The following CTNNA2 variants were observed in gnomAD, a reference collection of about 807,000 sequenced individuals.
The protein encoded by CTNNA2 is catenin alpha 2.
Under a neutral mutation model 101.0 loss-of-function variants are expected in CTNNA2, and 42 were observed. That is an observed-to-expected ratio of 0.42 (90% confidence interval 0.32 to 0.54). The LOEUF (loss-of-function observed/expected upper bound fraction) is 0.54. Ranked by LOEUF, CTNNA2 falls within the 20% of genes least tolerant of loss-of-function variation. The pLI is 0.14. For missense variants in CTNNA2, 871 were observed against 1,223.1 expected, an observed-to-expected ratio of 0.71 and a Z score of 4.29; for synonymous variants, 450 against 456.4, an observed-to-expected ratio of 0.99 and a Z score of 0.18.
At chr2:79,709,506 G>T (rs1685607121) in intron 2 of CTNNA2, among the ~76,000 whole-genome samples, 1 of 151,964 alleles carries the variant, frequency 6.6e-6, no homozygotes, top group Non-Finnish European at 1.5e-5. Flanking sequence ...AGGGATGAGG[G>T]GTGATATGAT....
intron 7 of CTNNA2, among the ~76,000 whole-genome samples, chr2:80,240,130 G>A (rs1670807656): frequency 6.6e-6 from 1 of 152,166 alleles, no homozygotes; most frequent in African/African-American, 2.4e-5. Flanking sequence ...AGAGAACCCA[G>A]CAATGAGTAT....
chr2:80,528,334 C>T (rs1284633254), intron 9 of CTNNA2, among the ~76,000 whole-genome samples: 3 of 152,042 alleles, frequency 2.0e-5, no homozygotes, highest in South Asian at 2.1e-4. Context: ...GTAGCTGGGA[C>T]TACAGGCACT....
intron 4 of CTNNA2, among the ~76,000 whole-genome samples, chr2:79,493,530 C>A (rs187014175): frequency 3.3e-5 from 5 of 152,152 alleles, no homozygotes; most frequent in Admixed American, 3.3e-4. Context: ...GCAGAAGAAT[C>A]GCTTGAACCC....
chr2:79,790,236 A>G (rs1675166064), intron 3 of CTNNA2, among the ~76,000 whole-genome samples: 1 of 152,194 alleles, frequency 6.6e-6, no homozygotes, highest in Non-Finnish European at 1.5e-5. Context: ...AATTTCCGCT[A>G]GGAACTGTTT....
intron 2 of CTNNA2, among the ~76,000 whole-genome samples, chr2:79,729,417 G>C (rs908078421): frequency 6.6e-6 from 1 of 152,098 alleles, no homozygotes; most frequent in Non-Finnish European, 1.5e-5. Context: ...TAAGAAATGG[G>C]AAGTTCCAAA....
intron 7 of CTNNA2, among the ~76,000 whole-genome samples, chr2:80,195,436 A>T (rs1468810242): frequency 6.6e-6 from 1 of 152,156 alleles, no homozygotes; most frequent in Non-Finnish European, 1.5e-5. Flanking sequence ...AAGGTAAAAT[A>T]AACAATTCCA....
At chr2:79,981,632 T>C (rs994392856) in intron 7 of CTNNA2, among the ~76,000 whole-genome samples, 1 of 152,138 alleles carries the variant, frequency 6.6e-6, no homozygotes, top group Admixed American at 6.6e-5. Flanking sequence ...TAGACTTGCT[T>C]TGTAATTAAA....
At chr2:80,177,649 A>G (rs1705478850) in intron 7 of CTNNA2, among the ~76,000 whole-genome samples, 2 of 152,116 alleles carry the variant, frequency 1.3e-5, no homozygotes, top group Admixed American at 6.5e-5. Flanking sequence ...CATCCTTTCC[A>G]CTTGATTATT....
chr2:80,015,914 C>A (rs1694109760), intron 7 of CTNNA2, among the ~76,000 whole-genome samples: 1 of 152,142 alleles, frequency 6.6e-6, no homozygotes, highest in Non-Finnish European at 1.5e-5. Context: ...GTCTAATCTG[C>A]AGACTTGATG....
chr2:79,998,066 C>T (rs1277384579), intron 7 of CTNNA2, among the ~76,000 whole-genome samples: 1 of 152,062 alleles, frequency 6.6e-6, no homozygotes, highest in Non-Finnish European at 1.5e-5. Context: ...GGGATTCTTA[C>T]AGGTCTTTTG....
At chr2:80,177,056 C>A (rs922538044) in intron 7 of CTNNA2, among the ~76,000 whole-genome samples, 19 of 152,130 alleles carry the variant, frequency 1.2e-4, no homozygotes, top group Admixed American at 2.0e-4. Flanking sequence ...AGTATTGTCA[C>A]CTAGTTGGCA....
intron 7 of CTNNA2, among the ~76,000 whole-genome samples, chr2:80,361,535 A>G (rs1184781331): frequency 6.6e-6 from 1 of 152,112 alleles, no homozygotes. Flanking sequence ...TTCTAAGACA[A>G]CACATCAGTA....
intron 1 of CTNNA2, among the ~76,000 whole-genome samples, chr2:79,554,010 A>G (rs912616519): frequency 1.3e-5 from 2 of 152,112 alleles, no homozygotes; most frequent in African/African-American, 4.8e-5. Context: ...TTGGGTCCCA[A>G]GGTTTTTGTT....
intron 3 of CTNNA2, 42 bp downstream of exon 3, chr2:79,744,624 A>G: frequency 6.6e-7 from 1 of 1,516,084 alleles, no homozygotes; most frequent in Non-Finnish European, 8.9e-7. Flanking sequence ...ATCTATACTG[A>G]TGTGCAAACA....
At position 79,818,821 on chromosome 2, in the gene CTNNA2, T is replaced by TTTTATATA. The variant is rs1553373413; in HGVS notation, c.299-39191_299-39190insTTATATAT. ...ATATACTTCAGGATCCAAAATGCAA[T>TTTTATATA]TATATATATATATATATATATATAT... On this transcript the variant is annotated intron_variant, in intron 3 of 18. Transcript: ENST00000402739. Among the ~76,000 whole-genome samples, 337 of 74,196 alleles carry TTTTATATA rather than the reference T, an allele frequency of 4.5e-3. 44 individuals carry two copies. The highest frequency in any genetic ancestry group is 0.029 in the Admixed American group (190 of 6,560). 48.7% of individuals were successfully genotyped at this position (74,196 alleles called of 152,430 possible).
intron 7 of CTNNA2, among the ~76,000 whole-genome samples, chr2:80,155,797 C>T (rs910043440): frequency 2.0e-5 from 3 of 152,114 alleles, no homozygotes. Flanking sequence ...TTTTTTCTGT[C>T]TGCTCACATT....
At chr2:80,218,933 A>G (rs1708420838) in intron 7 of CTNNA2, among the ~76,000 whole-genome samples, 1 of 152,254 alleles carries the variant, frequency 6.6e-6, no homozygotes, top group Non-Finnish European at 1.5e-5. Flanking sequence ...ATGGATGATT[A>G]CACACATTAA....
intron 1 of CTNNA2, among the ~76,000 whole-genome samples, chr2:79,551,576 A>T (rs1674102254): frequency 6.6e-6 from 1 of 152,222 alleles, no homozygotes; most frequent in South Asian, 2.1e-4. Flanking sequence ...GTGAAATTCA[A>T]CAGAACTCTG....
At chr2:80,506,849 A>G (rs1041101613) in intron 9 of CTNNA2, among the ~76,000 whole-genome samples, 2 of 152,196 alleles carry the variant, frequency 1.3e-5, no homozygotes, top group East Asian at 1.9e-4. Flanking sequence ...TAAAATGACT[A>G]TAGAAGCCAG....
Sources: gnomAD v4.1 joint callset for allele counts (sites outside exome capture counted in the v4.1 genomes callset) on GRCh38, gnomAD v4.1.1 for gene constraint, MANE v1.5 for transcripts, NCBI Gene and HGNC (gene_info 2026-07-23, HGNC 2026-07-21) for gene names.